Variants in CCDC197 observed in about 807,000 individuals in gnomAD.
CCDC197 encodes the protein uncharacterized protein CCDC197.
In CCDC197, 24 loss-of-function variants were observed where a neutral mutation model predicts 13.4. That is an observed-to-expected ratio of 1.80 (90% confidence interval 1.30 to 2.53). The LOEUF is 2.53. Ranked by LOEUF, CCDC197 falls within the 30% of genes most tolerant of loss-of-function variation. The pLI, the probability that CCDC197 is intolerant of heterozygous loss-of-function variation, is 0.00. For missense variants in CCDC197, 255 were observed against 148.8 expected, an observed-to-expected ratio of 1.71 and a Z score of -3.71; for synonymous variants, 99 against 55.5, an observed-to-expected ratio of 1.78 and a Z score of -3.48.
chr14:94,007,782 G>C (rs951143220), intron 6 of CCDC197, among the ~76,000 whole-genome samples: 2 of 152,142 alleles, frequency 1.3e-5, no homozygotes, highest in South Asian at 4.1e-4. Context: ...GGCAGGTTCC[G>C]TGCAGATATC....
In CCDC197 at chr14:94,000,757, C is replaced by T. The variant is rs10151851; in HGVS notation, c.188-388C>T. 3.8e-3 allele frequency: 619 copies of T among 164,990 alleles called. 5 individuals carry two copies. Among genetic ancestry groups the T allele is most frequent in the African/African-American group, 0.014 (586 of 41,860 alleles). 10.2% of individuals were successfully genotyped at this position (164,990 alleles called of 1,614,324 possible). ...TTCAGCAATTCTGCCCTGTTCAACC[C>T]ATCCAAAATGCATAACCACCAGGAC... On this transcript the variant is annotated intron_variant, in intron 3 of 6. Transcript: ENST00000636493.
chr14:94,000,967 C>G (rs903115675), intron 3 of CCDC197, 178 bp from the exon 4 acceptor site: 2 of 397,276 alleles, frequency 5.0e-6, no homozygotes, highest in Admixed American at 1.0e-4. Context: ...GGCGGGAGGG[C>G]GGGGGGGCGG....
intron 6 of CCDC197, among the ~76,000 whole-genome samples, chr14:94,008,053 A>G (rs993828992): frequency 1.3e-5 from 2 of 152,228 alleles, no homozygotes; most frequent in Non-Finnish European, 2.9e-5. Flanking sequence ...GAGTAAGGAC[A>G]TGTTTGTCTA....
chr14:94,001,619 A>C (rs992142256), intron 4 of CCDC197: 1 of 296,332 alleles, frequency 3.4e-6, no homozygotes, highest in Non-Finnish European at 6.3e-6. Flanking sequence ...CTGTGTGACT[A>C]GTTTGTAGCC....
At chr14:93,998,482 C>T (rs2141353089) in intron 2 of CCDC197, among the ~76,000 whole-genome samples, 1 of 152,314 alleles carries the variant, frequency 6.6e-6, no homozygotes, top group South Asian at 2.1e-4. Context: ...CAGGCTGAGC[C>T]TCTACATCAG....
At chr14:94,000,970 G>C in intron 3 of CCDC197, 175 bp from the exon 4 acceptor site, 1 of 451,910 alleles carries the variant, frequency 2.2e-6, no homozygotes, top group Non-Finnish European at 3.8e-6. Context: ...GGGAGGGCGG[G>C]GGGGCGGGTG....
Position 93,998,045 on chromosome 14 carries a change from G to C in CCDC197, c.-87G>C. On this transcript the variant is annotated 5_prime_UTR_variant, in exon 2 of 7. Transcript: ENST00000636493. ...TCCAAGGATCTGAAGAGGAAGCTGC[G>C]GCTGTGACTGTCCCTTTTCGGTCTG... 2.7e-6 allele frequency: 2 copies of C among 744,474 alleles called. No homozygotes were observed. The highest frequency in any genetic ancestry group is 1.8e-5 in the Admixed American group (1 of 55,458). The allele number at this position is 744,474 out of a possible 1,614,324, so 46.1% of individuals were successfully genotyped here.
chr14:94,002,462 A>G (rs1392863497), intron 4 of CCDC197, among the ~76,000 whole-genome samples: 1 of 151,904 alleles, frequency 6.6e-6, no homozygotes, highest in Non-Finnish European at 1.5e-5. Context: ...CCTGTTCTGT[A>G]TCTTTCAAAT....
At chr14:94,009,449 C>T (rs954961279), downstream of CCDC197, among the ~76,000 whole-genome samples, 13 of 152,036 alleles carry the variant, frequency 8.6e-5, no homozygotes, top group African/African-American at 3.1e-4. Flanking sequence ...GAGAGAGTGT[C>T]GGACACAGTG....
intron 3 of CCDC197, 107 bp downstream of exon 3, chr14:93,999,772 C>T (rs1028478681): frequency 1.7e-5 from 12 of 708,190 alleles, no homozygotes; most frequent in Non-Finnish European, 3.1e-5. Context: ...TGCTCATCTA[C>T]AGAATGGGAA....
chr14:93,987,841 A>G (rs1567038732), intron 1 of CCDC197, among the ~76,000 whole-genome samples: 1 of 151,088 alleles, frequency 6.6e-6, no homozygotes, highest in Non-Finnish European at 1.5e-5. Flanking sequence ...ATTAAATGCC[A>G]TGAGCCCTGC....
chr14:93,999,619 G>A lies in CCDC197; in HGVS notation c.141G>A (p.Lys47=), dbSNP rs1444766313. ...TCAAGAGAGAAGTCGAGAAGCACAAGCTTTTTGAAGACTATCTGATTAAGG... is the reference window on the plus strand; with the variant it reads ...TCAAGAGAGAAGTCGAGAAGCACAAACTTTTTGAAGACTATCTGATTAAGG... ...KKLKREVEKH[K]LFEDYLIKVL... is the part of the protein sequence containing the mutation. Residue 47 remains lysine, a synonymous_variant, in exon 3 of 7, where the codon AAG becomes AAA. Coordinates refer to ENST00000636493, the MANE Select transcript of CCDC197 (RefSeq NM_001351596.2). 2.6e-6 allele frequency: 2 copies of A among 780,900 alleles called. No homozygotes were observed. The highest frequency in any genetic ancestry group is 1.7e-5 in the African/African-American group (1 of 59,144). 48.4% of individuals were successfully genotyped at this position (780,900 alleles called of 1,614,324 possible). A position where few individuals can be genotyped will look rare whatever the true frequency, so the allele number is the denominator to read the frequency against.
chr14:94,005,305 C>A (rs112357369), intron 6 of CCDC197, among the ~76,000 whole-genome samples: 62 of 152,314 alleles, frequency 4.1e-4, no homozygotes, highest in African/African-American at 1.5e-3. Flanking sequence ...TCTGCACACC[C>A]ACACATGAGA....
At chr14:93,998,619 T>G (rs1338434597) in intron 2 of CCDC197, among the ~76,000 whole-genome samples, 1 of 152,016 alleles carries the variant, frequency 6.6e-6, no homozygotes, top group Non-Finnish European at 1.5e-5. Context: ...GATGGGAGGT[T>G]GGGGAGATAA....
Position 94,003,787 on chromosome 14 carries a change from G to A in CCDC197, c.498+433G>A, listed in dbSNP as rs139849797. On this transcript the variant is annotated intron_variant, in intron 5 of 6. Transcript: ENST00000636493. The surrounding 1 kb of genome is among the most constrained non-coding windows in gnomAD (Gnocchi z 5.0). ...CAAAGGGCCTCTCTTTGAGGGGTCCGATGTTACTTCACAGATGGGAAAACT... is the reference window on the plus strand; with the variant it reads ...CAAAGGGCCTCTCTTTGAGGGGTCCAATGTTACTTCACAGATGGGAAAACT... Among the ~76,000 whole-genome samples, 297 of 152,266 alleles carry A rather than the reference G, an allele frequency of 2.0e-3. No homozygotes were observed. Among genetic ancestry groups the A allele is most frequent in the African/African-American group, 6.8e-3 (281 of 41,556 alleles).
At chr14:94,009,538 G>A (rs1435859793), downstream of CCDC197, among the ~76,000 whole-genome samples, 3 of 152,132 alleles carry the variant, frequency 2.0e-5, no homozygotes, top group Non-Finnish European at 4.4e-5. Context: ...AGACCAGCTT[G>A]GGCAACATAG....
At chr14:94,002,325 G>T (rs1478574472) in intron 4 of CCDC197, among the ~76,000 whole-genome samples, 1 of 151,430 alleles carries the variant, frequency 6.6e-6, no homozygotes, top group Non-Finnish European at 1.5e-5. Flanking sequence ...GTTTCACTCT[G>T]TCGCCCAGGC....
At chr14:93,999,333 C>G (rs79999662) in intron 2 of CCDC197, 1 of 483,410 alleles carries the variant, frequency 2.1e-6, no homozygotes, top group Non-Finnish European at 3.7e-6. Flanking sequence ...TCATTCTCCC[C>G]CAGATACCTT....
intron 4 of CCDC197, among the ~76,000 whole-genome samples, chr14:94,002,840 T>G (rs1595354615): frequency 3.4e-5 from 4 of 116,240 alleles, no homozygotes; most frequent in Non-Finnish European, 5.1e-5. Flanking sequence ...GCAAAAAGAG[T>G]GAGACTGTCT....
Sources: allele counts gnomAD v4.1 joint callset (sites outside exome capture counted in the v4.1 genomes callset), GRCh38; gene constraint gnomAD v4.1.1; non-coding constraint Gnocchi (gnomAD v3.1); transcripts MANE v1.5; gene names NCBI Gene and HGNC (gene_info 2026-07-23, HGNC 2026-07-21).